The following ABHD6 variants were observed in gnomAD, a reference collection of about 807,000 sequenced individuals.
ABHD6 encodes monoacylglycerol lipase ABHD6.
ABHD6 carries 33 observed loss-of-function variants against 38.8 expected under a neutral mutation model. That is an observed-to-expected ratio of 0.85 (90% CI 0.64 to 1.14). ABHD6 has a LOEUF of 1.14. ABHD6 is among the 50% of genes most tolerant of loss of function. The pLI is 0.00. For missense variants in ABHD6, 380 were observed against 422.6 expected (o/e 0.90, Z 0.88); for synonymous variants, 147 against 161.6 (o/e 0.91, Z 0.69).
At chr3:58,241,731 C>T (rs2097422952) in intron 1 of ABHD6, among the ~76,000 whole-genome samples, 5 of 152,204 alleles carry the variant, frequency 3.3e-5, no homozygotes, top group Admixed American at 2.6e-4. Context: ...TAGGCCTGAG[C>T]AGTGGCCATG....
intron 6 of ABHD6, among the ~76,000 whole-genome samples, chr3:58,271,768 T>TTTTTTTTG (rs2097445157): frequency 1.7e-5 from 1 of 58,610 alleles, no homozygotes; most frequent in Non-Finnish European, 3.1e-5. Flanking sequence ...CTCTCTCTGT[T>TTTTTTTTG]TTTTTTTTTT....
Position 58,267,093 on chromosome 3 carries a change from C to A in ABHD6, c.120-96C>A. On this transcript the variant is annotated intron_variant, in intron 3 of 9. Coordinates refer to ENST00000478253, the MANE Select transcript of ABHD6 (RefSeq NM_001320126.2). This position sits in a 1 kb window ranked among gnomAD's most constrained non-coding sequence, Gnocchi z 4.3. ...GGCTGGAGAAGTGTTTGTGTTATCA[C>A]TAAGGAAGACTTATAGAGAGGACCT... The A allele has an allele frequency of 7.5e-7, 1 of 1,327,222 alleles. No homozygotes were observed. Among genetic ancestry groups the A allele is most frequent in the Non-Finnish European group, 1.0e-6 (1 of 954,200 alleles). The allele number at this position is 1,327,222 out of a possible 1,614,324, so 82.2% of individuals were successfully genotyped here.
intron 9 of ABHD6, among the ~76,000 whole-genome samples, chr3:58,290,026 TG>T (rs2097460754): frequency 7.5e-6 from 1 of 132,468 alleles, no homozygotes; most frequent in Non-Finnish European, 1.6e-5. Context: ...ACGGGGCGGC[TG>T]GCCGGGCGGG....
At chr3:58,276,748 G>T (rs1183197162) in intron 7 of ABHD6, among the ~76,000 whole-genome samples, 3 of 152,142 alleles carry the variant, frequency 2.0e-5, no homozygotes, top group Non-Finnish European at 4.4e-5. Flanking sequence ...ATGGTTTTAG[G>T]TCTAACATTT....
rs370398132 is a variant in ABHD6 at position 58,257,661 on chromosome 3, C to A, written c.119+956C>A. On this transcript the variant is annotated intron_variant, in intron 3 of 9. Coordinates refer to ENST00000478253, the MANE Select transcript of ABHD6 (RefSeq NM_001320126.2). This position sits in a 1 kb window ranked among gnomAD's most constrained non-coding sequence, Gnocchi z 4.8. ...TACAGGTGTGAGCCACTGCGCCTGG[C>A]CTTCATCATTGGATTCTGACCCTGT... Among the ~76,000 whole-genome samples, 1 of 152,286 alleles carries A rather than the reference C, an allele frequency of 6.6e-6. No individual in the cohort carries two copies. Among genetic ancestry groups the A allele is most frequent in the East Asian group, 1.9e-4 (1 of 5,182 alleles).
chr3:58,264,387 GCACACACACACACACACACACACACACA>G (rs61099164), intron 3 of ABHD6, among the ~76,000 whole-genome samples: 39 of 132,320 alleles, frequency 2.9e-4, no homozygotes, highest in African/African-American at 9.5e-4. Flanking sequence ...TTATATAAAC[GCACACACACACACACACACACACACACA>G]CACACACACA....
intron 9 of ABHD6, among the ~76,000 whole-genome samples, chr3:58,291,455 T>TA (rs2097462897): frequency 6.6e-6 from 1 of 151,972 alleles, no homozygotes; most frequent in Non-Finnish European, 1.5e-5. Context: ...GATGAGGTCT[T>TA]ACTATGTTGG....
At chr3:58,289,095 C>T (rs913253443) in intron 9 of ABHD6, among the ~76,000 whole-genome samples, 1 of 152,066 alleles carries the variant, frequency 6.6e-6, no homozygotes, top group East Asian at 1.9e-4. Context: ...TGCTCTGTCA[C>T]CCAGGCTAGA....
At chr3:58,243,577 C>T (rs1346044688) in intron 1 of ABHD6, among the ~76,000 whole-genome samples, 1 of 151,148 alleles carries the variant, frequency 6.6e-6, no homozygotes, top group Non-Finnish European at 1.5e-5. Context: ...AAAGCCAGTG[C>T]AGGTATAGTC....
chr3:58,277,395 C>T (rs1008313895), intron 7 of ABHD6, among the ~76,000 whole-genome samples: 1 of 152,168 alleles, frequency 6.6e-6, no homozygotes. Flanking sequence ...TGGGAGTTCA[C>T]TCATGATCTG....
intron 7 of ABHD6, among the ~76,000 whole-genome samples, chr3:58,278,966 C>G (rs775660958): frequency 1.3e-5 from 2 of 152,132 alleles, no homozygotes; most frequent in Non-Finnish European, 2.9e-5. Context: ...GTCTGAGAGA[C>G]AGTTTGTTGT....
chr3:58,243,241 A>G (rs1484668497), intron 1 of ABHD6, among the ~76,000 whole-genome samples: 1 of 152,194 alleles, frequency 6.6e-6, no homozygotes, highest in Non-Finnish European at 1.5e-5. Context: ...ATGCCCAGTA[A>G]TGAGATTGCT....
In ABHD6 at chr3:58,287,789, A is replaced by T. The variant is rs1037844973; in HGVS notation, c.837+2336A>T. On this transcript the variant is annotated intron_variant, in intron 9 of 9. Coordinates refer to ENST00000478253, the MANE Select transcript of ABHD6 (RefSeq NM_001320126.2). This position sits in a 1 kb window ranked among gnomAD's most constrained non-coding sequence, Gnocchi z 4.7. ...CTTGGATTCTGAAAGTCTATGTTCCAGCCCTACTTTTGTCCTTGGTCAGCC... is the reference window on the plus strand; with the variant it reads ...CTTGGATTCTGAAAGTCTATGTTCCTGCCCTACTTTTGTCCTTGGTCAGCC... 6.6e-6 allele frequency among the ~76,000 whole-genome samples: 1 copy of T among 152,256 alleles called. No individual in the cohort carries two copies. Among genetic ancestry groups the T allele is most frequent in the Non-Finnish European group, 1.5e-5 (1 of 68,038 alleles).
chr3:58,271,181 T>C, intron 6 of ABHD6, 117 bp downstream of exon 6: 1 of 1,187,614 alleles, frequency 8.4e-7, no homozygotes. Flanking sequence ...TTGAGAGATA[T>C]GCAGTGTTTT....
At chr3:58,291,343 G>C (rs1427780533) in intron 9 of ABHD6, among the ~76,000 whole-genome samples, 1 of 152,016 alleles carries the variant, frequency 6.6e-6, no homozygotes, top group Admixed American at 6.6e-5. Context: ...GTCCAGCTTC[G>C]GCTCGGCATC....
chr3:58,245,813 GAAAGAAAGAAAGAA>G (rs2097425974), intron 1 of ABHD6, among the ~76,000 whole-genome samples: 1 of 84,284 alleles, frequency 1.2e-5, no homozygotes, highest in Admixed American at 1.2e-4. Flanking sequence ...GGAGAGAGAA[GAAAGAAAGAAAGAA>G]AAAGAAAGAA....
At position 58,259,449 on chromosome 3, in the gene ABHD6, G is replaced by A. The variant is rs1011496879; in HGVS notation, c.119+2744G>A. 1.3e-5 allele frequency among the ~76,000 whole-genome samples: 2 copies of A among 152,160 alleles called. No individual in the cohort carries two copies. The highest frequency in any genetic ancestry group is 4.8e-5 in the African/African-American group (2 of 41,422). ...AATCCCAGCACTTTGGGAGGCTAAGGCAGGAGGATCACTTGAGGCCAGGAG... is the reference window on the plus strand; with the variant it reads ...AATCCCAGCACTTTGGGAGGCTAAGACAGGAGGATCACTTGAGGCCAGGAG... On this transcript the variant is annotated intron_variant, in intron 3 of 9. Coordinates refer to ENST00000478253, the MANE Select transcript of ABHD6 (RefSeq NM_001320126.2). This position sits in a 1 kb window ranked among gnomAD's most constrained non-coding sequence, Gnocchi z 4.7.
chr3:58,289,488 T>A (rs7619120), intron 9 of ABHD6, among the ~76,000 whole-genome samples: 2 of 148,626 alleles, frequency 1.3e-5, no homozygotes, highest in African/African-American at 5.0e-5. Context: ...CATCTTGCAC[T>A]GCCCTTAATC....
Position 58,251,530 on chromosome 3 carries a change from C to T in ABHD6, c.-26+1588C>T, listed in dbSNP as rs2097429946. Among the ~76,000 whole-genome samples, 1 of 152,184 alleles carries T rather than the reference C, an allele frequency of 6.6e-6. No individual in the cohort carries two copies. The highest frequency in any genetic ancestry group is 1.5e-5 in the Non-Finnish European group (1 of 68,040). On this transcript the variant is annotated intron_variant, in intron 2 of 9. Transcript: ENST00000478253. This position sits in a 1 kb window ranked among gnomAD's most constrained non-coding sequence, Gnocchi z 5.4. ...GTGAGATGTGCCTTACTCCTAACCCCAGATTAAACTTCATTTCCCTGATGT... is the reference window on the plus strand; with the variant it reads ...GTGAGATGTGCCTTACTCCTAACCCTAGATTAAACTTCATTTCCCTGATGT...
Sources: allele counts gnomAD v4.1 joint callset (sites outside exome capture counted in the v4.1 genomes callset), GRCh38; gene constraint gnomAD v4.1.1; non-coding constraint Gnocchi (gnomAD v3.1); transcripts MANE v1.5; gene names NCBI Gene and HGNC (gene_info 2026-07-23, HGNC 2026-07-21).